Variants in TMOD3 observed in about 807,000 individuals in gnomAD.
The protein encoded by TMOD3 is tropomodulin 3, also known as tropomodulin-3.
In TMOD3, 20 loss-of-function variants were observed where a neutral mutation model predicts 39.2. That is an observed-to-expected ratio of 0.51 (90% CI 0.36 to 0.74). The LOEUF (loss-of-function observed/expected upper bound fraction) is 0.74, where lower values mean the gene tolerates loss of function less well. Ranked by LOEUF, TMOD3 falls within the 30% of genes least tolerant of loss-of-function variation. The pLI is 0.00. For missense variants in TMOD3, 381 were observed against 412.8 expected (o/e 0.92, Z 0.67); for synonymous variants, 143 against 145.8 (o/e 0.98, Z 0.14).
At chr15:51,837,879 G>T (rs2141666840) in intron 1 of TMOD3, among the ~76,000 whole-genome samples, 1 of 152,288 alleles carries the variant, frequency 6.6e-6, no homozygotes, top group South Asian at 2.1e-4. Context: ...TACCTCAGAA[G>T]AAACTGTTTC....
rs2056707600 is a variant in TMOD3, at chr15:51,910,878, T to A, written c.*2068T>A. 6.6e-6 allele frequency: 1 copy of A among 152,210 alleles called. No individual in the cohort carries two copies. The allele number at this position is 152,210 out of a possible 1,614,324, so 9.4% of individuals were successfully genotyped here. On this transcript the variant is annotated 3_prime_UTR_variant, in exon 10 of 10. Transcript: ENST00000308580. The stretch of plus-strand genomic sequence containing the variant: ...CTGTCAGTTAAAGGCCACTGATATT[T>A]TTCTAAGTTAGCAAGGCTCACTTGC...
intron 9 of TMOD3, among the ~76,000 whole-genome samples, chr15:51,904,113 C>T (rs2056666070): frequency 6.6e-6 from 1 of 152,240 alleles, no homozygotes. Flanking sequence ...GCATTTCACA[C>T]TCAGAAACCC....
At chr15:51,852,310 G>A (rs370973245) in intron 1 of TMOD3, among the ~76,000 whole-genome samples, 2 of 152,072 alleles carry the variant, frequency 1.3e-5, no homozygotes, top group South Asian at 2.1e-4. Flanking sequence ...AAGCCAGTGA[G>A]GAAAAGACAG....
intron 1 of TMOD3, among the ~76,000 whole-genome samples, chr15:51,831,867 G>T (rs978742658): frequency 6.6e-6 from 1 of 151,926 alleles, no homozygotes; most frequent in Non-Finnish European, 1.5e-5. Context: ...AATGTTTCAG[G>T]CTCCTGGTGA....
At chr15:51,840,141 T>A (rs532077321) in intron 1 of TMOD3, among the ~76,000 whole-genome samples, 1 of 152,298 alleles carries the variant, frequency 6.6e-6, no homozygotes, top group South Asian at 2.1e-4. Context: ...GGAGACTGAT[T>A]ATGGTCTGGT....
chr15:51,838,912 G>A (rs537942060), intron 1 of TMOD3, among the ~76,000 whole-genome samples: 38 of 152,210 alleles, frequency 2.5e-4, no homozygotes, highest in Middle Eastern at 3.4e-3. Flanking sequence ...AATTTGATCC[G>A]TCCTGGTTAG....
chr15:51,889,034 C>T (rs369278438), intron 4 of TMOD3, 22 bp from the exon 5 acceptor site: 2 of 1,489,984 alleles, frequency 1.3e-6, no homozygotes, highest in Non-Finnish European at 1.8e-6. Context: ...ACAATAAAAA[C>T]TTTCTTTTTC....
At chr15:51,899,336 CCA>C (rs2056637347) in intron 7 of TMOD3, among the ~76,000 whole-genome samples, 1 of 151,970 alleles carries the variant, frequency 6.6e-6, no homozygotes, top group African/African-American at 2.4e-5. Flanking sequence ...TTACATGTGA[CCA>C]AAAAATCAAA....
intron 3 of TMOD3, among the ~76,000 whole-genome samples, chr15:51,881,309 T>G (rs1173253337): frequency 6.6e-6 from 1 of 152,166 alleles, no homozygotes; most frequent in East Asian, 1.9e-4. Flanking sequence ...TATTATTGAT[T>G]GGCAAGCATT....
At chr15:51,845,030 A>G (rs1389209652) in intron 1 of TMOD3, among the ~76,000 whole-genome samples, 1 of 152,110 alleles carries the variant, frequency 6.6e-6, no homozygotes, top group Non-Finnish European at 1.5e-5. Context: ...TTCAGCTTTC[A>G]TATTTTTCCT....
intron 1 of TMOD3, among the ~76,000 whole-genome samples, chr15:51,848,344 T>A (rs115910140): frequency 0.011 from 1,674 of 152,304 alleles, 33 homozygotes; most frequent in African/African-American, 0.039. Context: ...CTGACAGATA[T>A]TCATACTCAG....
chr15:51,860,863 G>A, intron 1 of TMOD3: 1 of 374,612 alleles, frequency 2.7e-6, no homozygotes, highest in Non-Finnish European at 5.2e-6. Context: ...TTGAACCCAG[G>A]AGGCAGAGGT....
Position 51,912,700 on chromosome 15 carries a change from C to T in TMOD3, c.*3890C>T, listed in dbSNP as rs1191536503. 6.6e-6 allele frequency: 1 copy of T among 152,132 alleles called. No homozygotes were observed. The highest frequency in any genetic ancestry group is 2.4e-5 in the African/African-American group (1 of 41,432). 9.4% of individuals were successfully genotyped at this position (152,132 alleles called of 1,614,324 possible). ...AAGTTTAGTACTGCCCAAATTTACT[C>T]ATTCTACAGTGTTACTGCACTTTGA... is the stretch of plus-strand genomic sequence containing the variant. On this transcript the variant is annotated 3_prime_UTR_variant, in exon 10 of 10. Coordinates refer to ENST00000308580, the MANE Select transcript of TMOD3 (RefSeq NM_014547.5).
chr15:51,880,864 G>A lies in TMOD3; in HGVS notation c.284-6725G>A, dbSNP rs560032157. 4.4e-4 allele frequency among the ~76,000 whole-genome samples: 61 copies of A among 140,070 alleles called. 1 individual carries two copies. The South Asian group carries it at 0.014, about 32-fold the overall frequency. The allele number at this position is 140,070 out of a possible 152,430, so 91.9% of individuals were successfully genotyped here. A position where few individuals can be genotyped will look rare whatever the true frequency, so the allele number is the denominator to read the frequency against. ...CCTGATAGAATTGCTGGATCATAAG[G>A]TAACTATTTTTTAACAAATTGAGAA... is the stretch of plus-strand genomic sequence containing the variant. On this transcript the variant is annotated intron_variant, in intron 3 of 9. Transcript: ENST00000308580.
chr15:51,866,462 CT>C (rs1349612959), intron 2 of TMOD3, among the ~76,000 whole-genome samples: 2 of 151,564 alleles, frequency 1.3e-5, no homozygotes, highest in African/African-American at 4.8e-5. Flanking sequence ...TGTCTCCCCC[CT>C]ACCCAAAAAA....
chr15:51,877,721 G>A (rs1172554943), intron 3 of TMOD3, among the ~76,000 whole-genome samples: 1 of 151,678 alleles, frequency 6.6e-6, no homozygotes, highest in African/African-American at 2.4e-5. Context: ...GACTAGAGCA[G>A]TGTTCAGTCT....
intron 3 of TMOD3, among the ~76,000 whole-genome samples, chr15:51,876,643 A>G (rs1277491181): frequency 6.6e-6 from 1 of 151,686 alleles, no homozygotes; most frequent in Admixed American, 6.6e-5. Flanking sequence ...TTGTATTTTT[A>G]GTAGAGACGG....
At chr15:51,883,419 A>G (rs1486533242) in intron 3 of TMOD3, among the ~76,000 whole-genome samples, 2 of 152,232 alleles carry the variant, frequency 1.3e-5, no homozygotes, top group Non-Finnish European at 2.9e-5. Flanking sequence ...CGGTCCCTCA[A>G]ATAAGACATG....
intron 1 of TMOD3, chr15:51,859,304 G>A (rs574598779): frequency 8.2e-6 from 6 of 729,894 alleles, no homozygotes; most frequent in Non-Finnish European, 1.6e-5. Context: ...TACCAAGGGG[G>A]TGGTTCAATG....
Sources: gnomAD v4.1 joint callset for allele counts (sites outside exome capture counted in the v4.1 genomes callset) on GRCh38, gnomAD v4.1.1 for gene constraint, MANE v1.5 for transcripts, NCBI Gene and HGNC (gene_info 2026-07-23, HGNC 2026-07-21) for gene names.